CEP83: variants seen among roughly 807,000 people sequenced by gnomAD.
The protein encoded by CEP83 is centrosomal protein 83.
A neutral mutation model predicts 101.9 loss-of-function variants in CEP83; 70 were observed. The observed-to-expected ratio is 0.69, with a 90% CI of 0.57 to 0.84. The LOEUF is 0.84. Among genes scored for constraint, CEP83 ranks in the 40% least tolerant of loss-of-function variants. CEP83 has a pLI of 0.00. For missense variants in CEP83, 715 were observed against 787.2 expected (o/e 0.91, Z 1.10); for synonymous variants, 264 against 267.9 (o/e 0.99, Z 0.14).
At chr12:94,268,588 CTTTTTT>C in the CEP83 span, among the ~76,000 whole-genome samples, 4 of 90,878 alleles carry the variant, frequency 4.4e-5, no homozygotes, top group African/African-American at 1.4e-4. Flanking sequence ...AGAATAAGAC[CTTTTTT>C]TTTTTTTTTT....
chr12:94,392,837 A>G (rs1439454444), intron 6 of CEP83, among the ~76,000 whole-genome samples: 1 of 152,252 alleles, frequency 6.6e-6, no homozygotes, highest in Non-Finnish European at 1.5e-5. Flanking sequence ...ATCAGAGAAT[A>G]CTATAGACAG....
At chr12:94,416,575 A>C (rs13377885) in intron 2 of CEP83, among the ~76,000 whole-genome samples, 41,497 of 133,344 alleles carry the variant, frequency 0.31, 6,260 homozygotes, top group East Asian at 0.58. Context: ...CACACACACA[A>C]AAAAAAAAAA....
rs373858915 is a variant in CEP83, at chr12:94,419,493, T to G, written c.-101-6902A>C. Among the ~76,000 whole-genome samples the G allele has an allele frequency of 4.6e-5, 7 of 152,206 alleles. 1 individual carries two copies. Among genetic ancestry groups the G allele is most frequent in the African/African-American group, 1.7e-4 (7 of 41,552 alleles). The stretch of plus-strand genomic sequence containing the variant: ...AGTGTGTCTCTATGTGTGAGAAACT[T>G]AACATGCTGATTCAAAAATTTATGT... On this transcript the variant is annotated intron_variant, in intron 2 of 16. Coordinates refer to ENST00000397809, the MANE Select transcript of CEP83 (RefSeq NM_016122.3).
chr12:94,297,137 T>C, the CEP83 span: 1 of 1,582,120 alleles, frequency 6.3e-7, no homozygotes, highest in Non-Finnish European at 8.7e-7. Flanking sequence ...GATTAGCCCA[T>C]GGTTGCTTTT....
At chr12:94,419,370 A>G (rs2064539698) in intron 2 of CEP83, among the ~76,000 whole-genome samples, 1 of 152,172 alleles carries the variant, frequency 6.6e-6, no homozygotes, top group African/African-American at 2.4e-5. Context: ...AAAAAGACCT[A>G]ATAGAGATAT....
the CEP83 span, among the ~76,000 whole-genome samples, chr12:94,298,280 G>T: frequency 4.3e-3 from 652 of 152,330 alleles, 7 homozygotes; most frequent in African/African-American, 0.015. Context: ...AGCTTTTCCA[G>T]GCTGAACATA....
At chr12:94,385,548 G>A (rs1306470774) in intron 6 of CEP83, among the ~76,000 whole-genome samples, 1 of 152,180 alleles carries the variant, frequency 6.6e-6, no homozygotes, top group Non-Finnish European at 1.5e-5. Context: ...CTTGTAGAAT[G>A]AGTTAGGAGG....
chr12:94,393,929 A>C (rs1168289888), intron 6 of CEP83, among the ~76,000 whole-genome samples: 1 of 152,228 alleles, frequency 6.6e-6, no homozygotes, highest in Admixed American at 6.5e-5. Flanking sequence ...GATGTGAAGG[A>C]CCTCTTCAAG....
chr12:94,274,473 G>A, the CEP83 span, among the ~76,000 whole-genome samples: 1 of 152,160 alleles, frequency 6.6e-6, no homozygotes, highest in Non-Finnish European at 1.5e-5. Context: ...TGCAGACCTG[G>A]CCTTTGTTAG....
chr12:94,339,383 G>A (rs2059585650), intron 11 of CEP83, among the ~76,000 whole-genome samples: 1 of 152,120 alleles, frequency 6.6e-6, no homozygotes, highest in South Asian at 2.1e-4. Context: ...TTTCTTTGAT[G>A]GTGGAAATAT....
At chr12:94,355,393 T>A (rs991623111) in intron 11 of CEP83, among the ~76,000 whole-genome samples, 1 of 151,958 alleles carries the variant, frequency 6.6e-6, no homozygotes, top group Non-Finnish European at 1.5e-5. Context: ...CTCAGGAGGC[T>A]GAGGCGGGAG....
chr12:94,336,764 CTCAT>C (rs973377100), intron 11 of CEP83, among the ~76,000 whole-genome samples: 42 of 152,242 alleles, frequency 2.8e-4, no homozygotes, highest in African/African-American at 1.0e-3. Flanking sequence ...TACATGATTA[CTCAT>C]TCAAACTTTC....
intron 2 of CEP83, among the ~76,000 whole-genome samples, chr12:94,414,858 A>C (rs1481542341): frequency 6.6e-6 from 1 of 152,184 alleles, no homozygotes; most frequent in Non-Finnish European, 1.5e-5. Flanking sequence ...AAATGTTGAT[A>C]TGTGACAGCT....
intron 2 of CEP83, among the ~76,000 whole-genome samples, chr12:94,434,962 C>G (rs1168309160): frequency 6.6e-6 from 1 of 152,206 alleles, no homozygotes; most frequent in Admixed American, 6.5e-5. Flanking sequence ...TAGGGATCCT[C>G]AACCTGTATA....
intron 4 of CEP83, among the ~76,000 whole-genome samples, chr12:94,410,598 CAG>C (rs1267883314): frequency 6.6e-6 from 1 of 152,136 alleles, no homozygotes; most frequent in Non-Finnish European, 1.5e-5. Flanking sequence ...TCTCATGAAA[CAG>C]AATAATTAAA....
chr12:94,360,482 C>T (rs1311114146), intron 11 of CEP83, among the ~76,000 whole-genome samples: 1 of 151,662 alleles, frequency 6.6e-6, no homozygotes, highest in Non-Finnish European at 1.5e-5. Flanking sequence ...CTTAAACTAA[C>T]TGGAAAAGAA....
chr12:94,279,016 T>G, the CEP83 span, among the ~76,000 whole-genome samples: 7 of 151,548 alleles, frequency 4.6e-5, no homozygotes, highest in Non-Finnish European at 7.4e-5. Context: ...AAGTGACCTC[T>G]GGCATGGTCA....
At chr12:94,314,966 T>A (rs1233276238) in intron 14 of CEP83, among the ~76,000 whole-genome samples, 1 of 152,244 alleles carries the variant, frequency 6.6e-6, no homozygotes, top group East Asian at 1.9e-4. Context: ...ATGTTGTCAT[T>A]CATTGTACAA....
At chr12:94,447,996 A>G (rs746377775) in intron 1 of CEP83, among the ~76,000 whole-genome samples, 3 of 152,184 alleles carry the variant, frequency 2.0e-5, no homozygotes, top group Admixed American at 6.5e-5. Flanking sequence ...TGAATGAACT[A>G]AACACTCTAT....
Sources: allele counts gnomAD v4.1 joint callset (sites outside exome capture counted in the v4.1 genomes callset), GRCh38; gene constraint gnomAD v4.1.1; transcripts MANE v1.5; gene names NCBI Gene and HGNC (gene_info 2026-07-23, HGNC 2026-07-21).